The following HEATR5A variants were observed in gnomAD, a reference collection of about 807,000 sequenced individuals.
HEATR5A encodes HEAT repeat containing 5A, also known as HEAT repeat-containing protein 5A.
Under a neutral mutation model 218.8 loss-of-function variants are expected in HEATR5A, and 178 were observed. The ratio of observed to expected loss-of-function variants is 0.81; its 90% CI spans 0.72 to 0.92. HEATR5A has a LOEUF of 0.92. HEATR5A is among the 40% of genes least tolerant of loss of function. The probability of loss-of-function intolerance (pLI) is 0.00; values close to 1 mark genes in which losing one functional copy is unlikely to be tolerated. For missense variants in HEATR5A, 2,420 were observed against 2,418.9 expected, an observed-to-expected ratio of 1.00 and a Z score of -0.01; for synonymous variants, 864 against 871.6, an observed-to-expected ratio of 0.99 and a Z score of 0.15.
At chr14:31,314,506 C>A (rs1899855575) in intron 27 of HEATR5A, among the ~76,000 whole-genome samples, 1 of 152,076 alleles carries the variant, frequency 6.6e-6, no homozygotes, top group African/African-American at 2.4e-5. Context: ...ATCCGCCCAC[C>A]TTGGCCTCCC....
chr14:31,356,115 T>C (rs1410520507), intron 16 of HEATR5A, among the ~76,000 whole-genome samples: 1 of 152,218 alleles, frequency 6.6e-6, no homozygotes, highest in African/African-American at 2.4e-5. Context: ...AACAGGAAAT[T>C]AGAAACTTAA....
chr14:31,316,095 C>T (rs1338410920), intron 26 of HEATR5A, 146 bp from the exon 27 acceptor site: 2 of 574,632 alleles, frequency 3.5e-6, no homozygotes, highest in Non-Finnish European at 2.9e-6. Flanking sequence ...CAAGCCTGGG[C>T]AACATGGCAA....
rs185458360 is a variant in HEATR5A at position 31,372,928 on chromosome 14, C to G, written c.1862-1019G>C. Reference sequence around the variant, plus strand: ...CCTCCCTCCCTCCCTCCTTCCCTCCCGACCCCACCTCCCACACCCCTGGAC... The same window carrying G: ...CCTCCCTCCCTCCCTCCTTCCCTCCGGACCCCACCTCCCACACCCCTGGAC... On this transcript the variant is annotated intron_variant, in intron 12 of 35. Coordinates refer to ENST00000543095, the MANE Select transcript of HEATR5A (RefSeq NM_015473.4). Among the ~76,000 whole-genome samples the G allele has an allele frequency of 9.3e-4, 141 of 151,220 alleles. 4 individuals carry two copies. In the East Asian group the frequency reaches 0.026, roughly 28 times the overall value.
intron 25 of HEATR5A, chr14:31,320,196 G>A: frequency 1.6e-6 from 1 of 612,988 alleles, no homozygotes; most frequent in South Asian, 1.4e-5. Flanking sequence ...TGCAGCTGCA[G>A]GGACAGGCAG....
intron 32 of HEATR5A, among the ~76,000 whole-genome samples, chr14:31,304,680 G>A (rs558753508): frequency 5.3e-4 from 81 of 152,320 alleles, no homozygotes; most frequent in Middle Eastern, 3.4e-3. Context: ...GCCTTCCAAA[G>A]TGCTGGGATT....
At chr14:31,307,833 ACATGTTT>A in intron 30 of HEATR5A, 53 bp downstream of exon 30, 1 of 1,552,294 alleles carries the variant, frequency 6.4e-7, no homozygotes, top group Non-Finnish European at 8.7e-7. Context: ...AGAAACCTGA[ACATGTTT>A]CTCTTCCTTA....
At chr14:31,338,502 T>TA (rs1490845580) in intron 21 of HEATR5A, among the ~76,000 whole-genome samples, 1 of 152,146 alleles carries the variant, frequency 6.6e-6, no homozygotes, top group African/African-American at 2.4e-5. Flanking sequence ...TGGCAAATGA[T>TA]AAGACTGGTA....
intron 6 of HEATR5A, among the ~76,000 whole-genome samples, chr14:31,390,115 T>C (rs76376859): frequency 0.034 from 5,177 of 152,144 alleles, 179 homozygotes; most frequent in African/African-American, 0.089. Flanking sequence ...GCAGAGGAAA[T>C]GGCTATGACA....
chr14:31,412,786 A>G (rs550018701), intron 1 of HEATR5A, among the ~76,000 whole-genome samples: 1 of 152,194 alleles, frequency 6.6e-6, no homozygotes, highest in African/African-American at 2.4e-5. Context: ...AGGCAGGAGA[A>G]TCGCTTGAAC....
intron 28 of HEATR5A, among the ~76,000 whole-genome samples, chr14:31,312,356 T>C (rs1416547833): frequency 1.3e-5 from 2 of 151,500 alleles, no homozygotes; most frequent in Non-Finnish European, 2.9e-5. Flanking sequence ...TTGGCAAAAA[T>C]TATTAAGTAT....
At chr14:31,370,233 A>G (rs1029201012) in intron 13 of HEATR5A, among the ~76,000 whole-genome samples, 3 of 152,188 alleles carry the variant, frequency 2.0e-5, no homozygotes, top group African/African-American at 7.2e-5. Flanking sequence ...CTCAAAAAAA[A>G]AAAAGGAAGA....
At chr14:31,331,769 C>T (rs1241896044) in intron 22 of HEATR5A, among the ~76,000 whole-genome samples, 9 of 152,160 alleles carry the variant, frequency 5.9e-5, no homozygotes, top group African/African-American at 2.2e-4. Flanking sequence ...GCACGTTTTA[C>T]ATGGCAGCAG....
At chr14:31,361,500 T>C (rs11844036) in intron 14 of HEATR5A, among the ~76,000 whole-genome samples, 119,915 of 152,060 alleles carry the variant, frequency 0.79, 49,948 homozygotes, top group Non-Finnish European at 0.93. Flanking sequence ...TAGTACAATA[T>C]AAAAGGTATG....
At chr14:31,381,872 G>T (rs531343563) in intron 10 of HEATR5A, among the ~76,000 whole-genome samples, 7 of 152,152 alleles carry the variant, frequency 4.6e-5, no homozygotes, top group Non-Finnish European at 8.8e-5. Flanking sequence ...CACAGTACAA[G>T]GCCAGAGAGC....
chr14:31,379,279 C>T (rs1215630778), intron 11 of HEATR5A, among the ~76,000 whole-genome samples: 2 of 151,224 alleles, frequency 1.3e-5, no homozygotes, highest in Non-Finnish European at 2.9e-5. Context: ...GAGAGGGAGT[C>T]TTGCTCTGTC....
chr14:31,305,225 G>C, intron 31 of HEATR5A, 48 bp from the exon 32 acceptor site: 2 of 1,564,172 alleles, frequency 1.3e-6, no homozygotes, highest in African/African-American at 2.8e-5. Context: ...TCTGCTTCTG[G>C]TAGATGGCAA....
chr14:31,357,542 A>G (rs1901467567), intron 16 of HEATR5A, among the ~76,000 whole-genome samples: 1 of 152,212 alleles, frequency 6.6e-6, no homozygotes, highest in African/African-American at 2.4e-5. Flanking sequence ...CGTTTTTCAG[A>G]TAGTAACAAG....
chr14:31,402,971 T>G lies in HEATR5A; in HGVS notation c.5A>C (p.Glu2Ala). The G allele has an allele frequency of 6.5e-7, 1 of 1,535,630 alleles. No homozygotes were observed. The highest frequency in any genetic ancestry group is 8.7e-7 in the Non-Finnish European group (1 of 1,146,562). M[E>A]LAHSLLLNEE... ...ATTCAGCAGTAAGCTATGAGCTAATTCCATTCCTTGCAGCAATCCTCCCAG... is the reference window on the plus strand; with the variant it reads ...ATTCAGCAGTAAGCTATGAGCTAATGCCATTCCTTGCAGCAATCCTCCCAG... The change falls in exon 2 of 36, where the codon GAA becomes GCA. Residue 2 changes from glutamate (E) to alanine (A), a missense_variant. Glu to Ala is a moderately radical substitution (Grantham distance 107). Transcript: ENST00000543095.
intron 16 of HEATR5A, among the ~76,000 whole-genome samples, chr14:31,357,494 A>G (rs940374189): frequency 1.3e-5 from 2 of 151,760 alleles, no homozygotes; most frequent in African/African-American, 2.4e-5. Flanking sequence ...AACTATTATT[A>G]GCCACAATAG....
Sources: gnomAD v4.1 joint callset for allele counts (sites outside exome capture counted in the v4.1 genomes callset) on GRCh38, gnomAD v4.1.1 for gene constraint, MANE v1.5 for transcripts, NCBI Gene and HGNC (gene_info 2026-07-23, HGNC 2026-07-21) for gene names.